TRPC4: variants seen among roughly 807,000 people sequenced by gnomAD.
TRPC4 encodes short transient receptor potential channel 4.
In TRPC4, 49 loss-of-function variants were observed where a neutral mutation model predicts 99.4. The ratio of observed to expected loss-of-function variants is 0.49; its 90% CI spans 0.39 to 0.63. TRPC4 has a LOEUF of 0.63. TRPC4 is among the 20% of genes least tolerant of loss of function. The pLI, the probability that TRPC4 is intolerant of heterozygous loss-of-function variation, is 0.00. For missense variants in TRPC4, 898 were observed against 1,152.9 expected (o/e 0.78, Z 3.20); for synonymous variants, 454 against 425.9 (o/e 1.07, Z -0.81).
intron 2 of TRPC4, among the ~76,000 whole-genome samples, chr13:37,755,646 C>G (rs1956078455): frequency 6.6e-6 from 1 of 151,952 alleles, no homozygotes; most frequent in Non-Finnish European, 1.5e-5. Flanking sequence ...AAATGATCCT[C>G]CTACCTCAGC....
At chr13:37,637,667 C>G in intron 10 of TRPC4, 42 bp from the exon 11 acceptor site, 1 of 1,516,666 alleles carries the variant, frequency 6.6e-7, no homozygotes, top group East Asian at 2.3e-5. Context: ...ATGACTTAAA[C>G]ATTTGGAAAC....
chr13:37,785,572 A>G (rs1378974295), intron 1 of TRPC4, among the ~76,000 whole-genome samples: 1 of 152,112 alleles, frequency 6.6e-6, no homozygotes, highest in Non-Finnish European at 1.5e-5. Context: ...GCTCACCCAA[A>G]ATACAGGCTA....
intron 8 of TRPC4, among the ~76,000 whole-genome samples, chr13:37,648,676 T>A (rs1951923240): frequency 6.6e-6 from 1 of 152,144 alleles, no homozygotes; most frequent in Admixed American, 6.5e-5. Flanking sequence ...AGACCAGTAA[T>A]ATATAGCAAA....
intron 3 of TRPC4, among the ~76,000 whole-genome samples, chr13:37,736,521 C>T (rs1029824146): frequency 2.0e-5 from 3 of 151,922 alleles, no homozygotes; most frequent in Non-Finnish European, 4.4e-5. Context: ...ATAACCAACG[C>T]CTAAAATATA....
intron 3 of TRPC4, among the ~76,000 whole-genome samples, chr13:37,694,615 G>A (rs954052044): frequency 9.2e-5 from 14 of 152,272 alleles, no homozygotes; most frequent in African/African-American, 3.4e-4. Flanking sequence ...TGCTAGGTTA[G>A]CCATGATTTT....
chr13:37,765,459 T>A (rs566560462), intron 2 of TRPC4, among the ~76,000 whole-genome samples: 1 of 151,582 alleles, frequency 6.6e-6, no homozygotes, highest in South Asian at 2.1e-4. Flanking sequence ...CCATGTGGAA[T>A]TCAGCTGTTA....
At chr13:37,848,604 C>T (rs1027229115) in intron 1 of TRPC4, among the ~76,000 whole-genome samples, 9 of 152,228 alleles carry the variant, frequency 5.9e-5, no homozygotes, top group Admixed American at 2.0e-4. Flanking sequence ...AAGTAGGTCT[C>T]TCCAATATGA....
chr13:37,647,627 G>A (rs914756197), intron 8 of TRPC4, among the ~76,000 whole-genome samples: 1 of 152,222 alleles, frequency 6.6e-6, no homozygotes, highest in Non-Finnish European at 1.5e-5. Context: ...AATGGGCAAA[G>A]TAAACAGGTT....
At chr13:37,742,376 A>G (rs1955617198) in intron 3 of TRPC4, among the ~76,000 whole-genome samples, 2 of 152,152 alleles carry the variant, frequency 1.3e-5, no homozygotes, top group Admixed American at 1.3e-4. Context: ...AACCATCCAG[A>G]TCTAAGAGCA....
chr13:37,861,283 G>A (rs905309961), intron 1 of TRPC4, among the ~76,000 whole-genome samples: 1 of 151,294 alleles, frequency 6.6e-6, no homozygotes, highest in African/African-American at 2.4e-5. Flanking sequence ...AAAATCAGAG[G>A]CTAAAATGTT....
intron 1 of TRPC4, among the ~76,000 whole-genome samples, chr13:37,853,748 C>T (rs528570485): frequency 6.6e-6 from 1 of 151,926 alleles, no homozygotes; most frequent in East Asian, 2.0e-4. Flanking sequence ...TGAAAAGAAT[C>T]AAGCAGAAAT....
intron 2 of TRPC4, among the ~76,000 whole-genome samples, chr13:37,750,667 AC>A (rs1463419547): frequency 6.6e-6 from 1 of 152,106 alleles, no homozygotes; most frequent in Non-Finnish European, 1.5e-5. Flanking sequence ...TTATTATTGT[AC>A]TTTAAGTTCT....
chr13:37,664,026 G>A (rs1197379119), intron 5 of TRPC4, among the ~76,000 whole-genome samples: 10 of 152,074 alleles, frequency 6.6e-5, no homozygotes, highest in Non-Finnish European at 1.2e-4. Context: ...CTTACAAATC[G>A]TCCCGGCAGT....
intron 2 of TRPC4, among the ~76,000 whole-genome samples, chr13:37,756,949 G>A (rs1956113073): frequency 6.6e-6 from 1 of 151,940 alleles, no homozygotes; most frequent in Admixed American, 6.6e-5. Flanking sequence ...TCTAAATCAG[G>A]AGATTTTAAA....
chr13:37,651,557 G>A, intron 7 of TRPC4, 98 bp from the exon 8 acceptor site: 2 of 1,075,128 alleles, frequency 1.9e-6, no homozygotes, highest in East Asian at 2.4e-5. Context: ...AGCGGCTCTT[G>A]GAACATTAAT....
intron 8 of TRPC4, among the ~76,000 whole-genome samples, chr13:37,650,871 C>T (rs1476554448): frequency 3.9e-5 from 6 of 152,134 alleles, no homozygotes; most frequent in African/African-American, 1.2e-4. Flanking sequence ...GCCCTTCCCT[C>T]ATGGAGCATA....
rs550060677 is a variant in TRPC4, at chr13:37,739,736, C to T, written c.897+6201G>A. Among the ~76,000 whole-genome samples the T allele has an allele frequency of 2.0e-5, 3 of 152,004 alleles. No homozygotes were observed. In the East Asian group the frequency reaches 5.8e-4, roughly 30 times the overall value. ...GGACAGGCTGCTCTCAAACTCCTGA[C>T]CTTGTGACCTGCCTGCCTCGGCCTC... On this transcript the variant is annotated intron_variant, in intron 3 of 10. Coordinates refer to ENST00000379705, the MANE Select transcript of TRPC4 (RefSeq NM_016179.4).
chr13:37,673,735 G>C (rs549826235), intron 5 of TRPC4, among the ~76,000 whole-genome samples: 2 of 152,060 alleles, frequency 1.3e-5, no homozygotes, highest in Non-Finnish European at 2.9e-5. Context: ...ATGTTGAATG[G>C]GATGAGGAGA....
At chr13:37,683,537 G>A (rs547325557) in intron 4 of TRPC4, among the ~76,000 whole-genome samples, 1 of 152,242 alleles carries the variant, frequency 6.6e-6, no homozygotes, top group South Asian at 2.1e-4. Context: ...CTCTGACTCA[G>A]AGAACTATGC....
Sources: gnomAD v4.1 joint callset for allele counts (sites outside exome capture counted in the v4.1 genomes callset) on GRCh38, gnomAD v4.1.1 for gene constraint, MANE v1.5 for transcripts, NCBI Gene and HGNC (gene_info 2026-07-23, HGNC 2026-07-21) for gene names.